GMDS: variants seen among roughly 807,000 people sequenced by gnomAD.
The protein encoded by GMDS is GDP-mannose 4,6 dehydratase.
GMDS carries 20 observed loss-of-function variants against 49.9 expected under a neutral mutation model. The ratio of observed to expected loss-of-function variants is 0.40; its 90% CI spans 0.28 to 0.58. The LOEUF (loss-of-function observed/expected upper bound fraction) is 0.58, where lower values mean the gene tolerates loss of function less well. GMDS is among the 20% of genes least tolerant of loss of function. GMDS has a pLI of 0.42. For missense variants in GMDS, 362 were observed against 481.4 expected (o/e 0.75, Z 2.32); for synonymous variants, 177 against 178.6 (o/e 0.99, Z 0.07).
chr6:2,143,892 T>C (rs1776426453), intron 1 of GMDS, among the ~76,000 whole-genome samples: 1 of 152,202 alleles, frequency 6.6e-6, no homozygotes, highest in African/African-American at 2.4e-5. Context: ...CTCCAATTCT[T>C]CCCTCCCATA....
At chr6:1,831,142 T>C (rs1316056686) in intron 7 of GMDS, among the ~76,000 whole-genome samples, 1 of 152,246 alleles carries the variant, frequency 6.6e-6, no homozygotes, top group African/African-American at 2.4e-5. Flanking sequence ...ACTGCCATTA[T>C]AGGATTAAAG....
At chr6:1,834,245 C>G (rs539569273) in intron 7 of GMDS, among the ~76,000 whole-genome samples, 10 of 152,064 alleles carry the variant, frequency 6.6e-5, no homozygotes, top group East Asian at 1.9e-4. Context: ...ATATTTAAAT[C>G]TAAAAGAGAT....
intron 1 of GMDS, among the ~76,000 whole-genome samples, chr6:2,179,301 C>CA (rs200644551): frequency 8.8e-5 from 13 of 147,272 alleles, no homozygotes; most frequent in East Asian, 7.8e-4. Flanking sequence ...AAGGTTATGC[C>CA]AAAAAAAAAA....
chr6:2,046,882 G>A (rs182849201), intron 4 of GMDS, among the ~76,000 whole-genome samples: 21 of 152,206 alleles, frequency 1.4e-4, no homozygotes, highest in Admixed American at 2.0e-4. Context: ...TGGGGGCAGC[G>A]ATAAAGAAAT....
intron 6 of GMDS, among the ~76,000 whole-genome samples, chr6:1,952,307 A>G (rs1763382220): frequency 6.6e-6 from 1 of 152,204 alleles, no homozygotes; most frequent in African/African-American, 2.4e-5. Context: ...AGAAAAATAG[A>G]AGTACACATG....
intron 1 of GMDS, chr6:2,176,081 C>G: frequency 2.9e-6 from 3 of 1,051,728 alleles, no homozygotes; most frequent in Non-Finnish European, 4.2e-6. Context: ...TAAATGCACA[C>G]TGACAACATG....
intron 9 of GMDS, among the ~76,000 whole-genome samples, chr6:1,696,184 T>C (rs957260972): frequency 6.6e-6 from 1 of 152,150 alleles, no homozygotes; most frequent in Non-Finnish European, 1.5e-5. Flanking sequence ...ATCACTGTAA[T>C]GAAATGTAAT....
chr6:1,949,052 C>A (rs977174959), intron 6 of GMDS: 49 of 975,596 alleles, frequency 5.0e-5, no homozygotes, highest in Non-Finnish European at 6.0e-5. Flanking sequence ...CCAACAGGGT[C>A]TTTCACTTTG....
chr6:2,219,941 T>C (rs1202836718), intron 1 of GMDS, among the ~76,000 whole-genome samples: 1 of 152,128 alleles, frequency 6.6e-6, no homozygotes, highest in Non-Finnish European at 1.5e-5. Flanking sequence ...TCCCAAGCAT[T>C]TCAGATAAGG....
chr6:2,046,996 T>G (rs1770057893), intron 4 of GMDS, among the ~76,000 whole-genome samples: 1 of 152,186 alleles, frequency 6.6e-6, no homozygotes, highest in East Asian at 1.9e-4. Context: ...TCATGTATAC[T>G]CATGAATTTG....
At chr6:2,201,943 C>T (rs576634673) in intron 1 of GMDS, among the ~76,000 whole-genome samples, 3 of 128,864 alleles carry the variant, frequency 2.3e-5, no homozygotes, top group South Asian at 2.9e-4. Context: ...CATGGACATC[C>T]GAGATGAAAC....
At chr6:2,172,166 T>G (rs1349184778) in intron 1 of GMDS, among the ~76,000 whole-genome samples, 1 of 152,078 alleles carries the variant, frequency 6.6e-6, no homozygotes, top group Non-Finnish European at 1.5e-5. Context: ...ATAAATGAAT[T>G]GACCTCCCCA....
intron 9 of GMDS, among the ~76,000 whole-genome samples, chr6:1,714,578 C>T (rs1766105170): frequency 1.3e-5 from 2 of 152,098 alleles, no homozygotes; most frequent in South Asian, 4.2e-4. Flanking sequence ...AGCAGAGAAA[C>T]GCGTGTCATG....
intron 4 of GMDS, among the ~76,000 whole-genome samples, chr6:2,074,490 C>T (rs190097221): frequency 6.6e-4 from 101 of 152,082 alleles, no homozygotes; most frequent in Non-Finnish European, 1.8e-4. Flanking sequence ...GTTTCCTTTG[C>T]TGTGCAGATG....
intron 1 of GMDS, among the ~76,000 whole-genome samples, chr6:2,165,947 T>TA (rs964227370): frequency 6.7e-6 from 1 of 150,060 alleles, no homozygotes; most frequent in Non-Finnish European, 1.5e-5. Flanking sequence ...AAAATAAAGA[T>TA]AAAAAAAAGA....
At chr6:1,786,008 T>C (rs902032299) in intron 7 of GMDS, among the ~76,000 whole-genome samples, 4 of 152,098 alleles carry the variant, frequency 2.6e-5, no homozygotes, top group Admixed American at 6.6e-5. Context: ...AGGAGTGAGA[T>C]GTTAAATATG....
chr6:2,043,753 C>T (rs1452841882), intron 4 of GMDS, among the ~76,000 whole-genome samples: 2 of 152,066 alleles, frequency 1.3e-5, no homozygotes, highest in Non-Finnish European at 2.9e-5. Flanking sequence ...AATAAACTAT[C>T]AACAGAGTAG....
chr6:1,706,354 G>T (rs1243832752), intron 9 of GMDS, among the ~76,000 whole-genome samples: 2 of 152,196 alleles, frequency 1.3e-5, no homozygotes, highest in Non-Finnish European at 2.9e-5. Context: ...CTGATCAGAG[G>T]TGGGGGCAGC....
chr6:1,922,578 T>A (rs1761770344), intron 7 of GMDS, among the ~76,000 whole-genome samples: 1 of 152,104 alleles, frequency 6.6e-6, no homozygotes, highest in Non-Finnish European at 1.5e-5. Context: ...TTTTTGCCCA[T>A]CAAATGTTGC....
Sources: gnomAD v4.1 joint callset for allele counts (sites outside exome capture counted in the v4.1 genomes callset) on GRCh38, gnomAD v4.1.1 for gene constraint, MANE v1.5 for transcripts, NCBI Gene and HGNC (gene_info 2026-07-23, HGNC 2026-07-21) for gene names.